SLC16A8: variants seen among roughly 807,000 people sequenced by gnomAD.
SLC16A8 encodes solute carrier family 16 member 8.
In SLC16A8, 20 loss-of-function variants were observed where a neutral mutation model predicts 22.4. That is an observed-to-expected ratio of 0.89 (90% CI 0.63 to 1.30). The LOEUF is 1.30. SLC16A8 is among the 50% of genes most tolerant of loss of function. The pLI, the probability that SLC16A8 is intolerant of heterozygous loss-of-function variation, is 0.00. For synonymous variants in SLC16A8, 393 were observed against 358.8 expected, an observed-to-expected ratio of 1.10 and a Z score of -1.08; for missense variants, 817 against 740.3, an observed-to-expected ratio of 1.10 and a Z score of -1.20.
rs1417012696 is a variant in SLC16A8, at chr22:38,081,274, A to G, written c.764T>C (p.Val255Ala). The change falls in exon 5 of 6, where the codon GTG (valine) becomes GCG (alanine). Residue 255 changes from valine (V) to alanine (A), a missense_variant. Physicochemically the swap from Val to Ala is moderately conservative, Grantham distance 64. Coordinates refer to ENST00000681075, the MANE Select transcript of SLC16A8 (RefSeq NM_013356.3). Reference protein sequence around the residue: ...LAVCTDRAFAVYAVTKFLMAL... With the variant: ...LAVCTDRAFAAYAVTKFLMAL... ...CATCAGGAACTTGGTGACGGCGTAC[A>G]CGGCGAAGGCGCGGTCGGTGCACAC... 4 of 1,581,278 alleles carry G rather than the reference A, an allele frequency of 2.5e-6. No individual in the cohort carries two copies. Among genetic ancestry groups the G allele is most frequent in the South Asian group, 2.3e-5 (2 of 87,006 alleles).
At chr22:38,083,777 C>T (rs565552238) in intron 1 of SLC16A8, among the ~76,000 whole-genome samples, 6 of 89,592 alleles carry the variant, frequency 6.7e-5, no homozygotes, top group South Asian at 3.2e-4. Flanking sequence ...CACCAGGAGC[C>T]GGGGGCTGGG....
At position 38,083,311 on chromosome 22, in the gene SLC16A8, C is replaced by T. The variant is rs115611444; in HGVS notation, c.-278G>A. 331 of 182,572 alleles carry T rather than the reference C, an allele frequency of 1.8e-3. No homozygotes were observed. Among genetic ancestry groups the T allele is most frequent in the African/African-American group, 7.4e-3 (315 of 42,520 alleles). 11.3% of individuals were successfully genotyped at this position (182,572 alleles called of 1,614,324 possible). On this transcript the variant is annotated 5_prime_UTR_variant, in exon 2 of 6. Coordinates refer to ENST00000681075, the MANE Select transcript of SLC16A8 (RefSeq NM_013356.3). ...GCAAAGGGCCGCTGTGCGTGATTTT[C>T]CTCTTTAGCCTTCCGCCATGTTCCT...
Position 38,081,136 on chromosome 22 carries a change from A to G in SLC16A8, c.902T>C (p.Val301Ala), listed in dbSNP as rs1380250920. The change falls in exon 5 of 6, where the codon GTG becomes GCG. Residue 301 changes from valine to alanine, a missense_variant. Physicochemically the swap from Val to Ala is moderately conservative, Grantham distance 64. Coordinates refer to ENST00000681075, the MANE Select transcript of SLC16A8 (RefSeq NM_013356.3). ...CAGGGCGCCGCACGCCGGGCGCGCC[A>G]CGATGTCCACGAAGCCCACGATGGA... is the stretch of plus-strand genomic sequence containing the variant. ...LLSIVGFVDIVARPACGALAG... is the reference protein window; with the variant it reads ...LLSIVGFVDIAARPACGALAG... 1.9e-6 allele frequency: 3 copies of G among 1,544,016 alleles called. No individual in the cohort carries two copies. The African/African-American group carries it at 4.1e-5, about 21-fold the overall frequency.
At chr22:38,082,053 C>G (rs1376786512) in intron 3 of SLC16A8, 21 bp from the exon 4 acceptor site, 1 of 1,561,684 alleles carries the variant, frequency 6.4e-7, no homozygotes, top group Non-Finnish European at 8.7e-7. Context: ...GGCAGGGTCA[C>G]CACCCGGGTC....
At chr22:38,078,733 G>T (rs374272776) in intron 5 of SLC16A8, 29 bp from the exon 6 acceptor site, 1 of 1,589,012 alleles carries the variant, frequency 6.3e-7, no homozygotes, top group Non-Finnish European at 8.6e-7. Flanking sequence ...AGGAGGGAGA[G>T]GTAAGGTCCT....
At chr22:38,083,826 G>A (rs1353576065) in intron 1 of SLC16A8, among the ~76,000 whole-genome samples, 162 bp downstream of exon 1, 1 of 140,956 alleles carries the variant, frequency 7.1e-6, no homozygotes, top group Non-Finnish European at 1.5e-5. Context: ...GTCCCTCCTG[G>A]CACTGGGCAG....
intron 5 of SLC16A8, among the ~76,000 whole-genome samples, chr22:38,080,089 C>G (rs1379214287): frequency 6.6e-6 from 1 of 152,238 alleles, no homozygotes; most frequent in African/African-American, 2.4e-5. Context: ...GACTCAAAGG[C>G]AGGCTCCCTT....
At chr22:38,079,031 G>A (rs1174084974) in intron 5 of SLC16A8, among the ~76,000 whole-genome samples, 2 of 152,166 alleles carry the variant, frequency 1.3e-5, no homozygotes, top group Non-Finnish European at 2.9e-5. Context: ...GGGTGGGAGC[G>A]GGGAGGGGGC....
intron 5 of SLC16A8, among the ~76,000 whole-genome samples, chr22:38,079,968 G>C (rs2085892632): frequency 6.6e-6 from 1 of 152,160 alleles, no homozygotes; most frequent in Non-Finnish European, 1.5e-5. Context: ...CACTCGATTA[G>C]CCCAGCCCTG....
chr22:38,080,115 CTT>C (rs2085894620), intron 5 of SLC16A8, among the ~76,000 whole-genome samples: 1 of 152,232 alleles, frequency 6.6e-6, no homozygotes, highest in Non-Finnish European at 1.5e-5. Flanking sequence ...TTCAAGATAA[CTT>C]GACAACCCAG....
Position 38,078,514 on chromosome 22 carries a change from A to C in SLC16A8, c.1389T>G (p.Ser463=). The change falls in exon 6 of 6, where the codon TCT becomes TCG. Residue 463 remains serine (S), a synonymous_variant. Coordinates refer to ENST00000681075, the MANE Select transcript of SLC16A8 (RefSeq NM_013356.3). The stretch of plus-strand genomic sequence containing the variant: ...CCTCTGCAACAACAGGCAGGGGCTC[A>C]GAGTCCCCTTCAGCCTCAGCGTCCT... ...DTEDAEAEGD[S]EPLPVVAEEP... is the part of the protein sequence containing the mutation. The C allele has an allele frequency of 6.2e-7, 1 of 1,614,206 alleles. No homozygotes were observed.
At position 38,081,159 on chromosome 22, in the gene SLC16A8, G is replaced by A. The variant is rs565898820; in HGVS notation, c.879C>T (p.Ser293=). ...CCACGATGTCCACGAAGCCCACGAT[G>A]GACAGCAGGAAGGCGGCGTCGGTGT... is the stretch of plus-strand genomic sequence containing the variant. ...VPDTDAAFLL[S]IVGFVDIVAR... The change falls in exon 5 of 6, where the codon TCC becomes TCT. Residue 293 remains serine (S), a synonymous_variant. Transcript: ENST00000681075. 26 of 1,551,546 alleles carry A rather than the reference G, an allele frequency of 1.7e-5. No homozygotes were observed. In the South Asian group the frequency reaches 2.8e-4, roughly 17 times the overall value.
rs144413183 is a variant in SLC16A8, at chr22:38,079,743, A to T, written c.1199-1039T>A. On this transcript the variant is annotated intron_variant, in intron 5 of 5. Transcript: ENST00000681075. ...CTCTTAATTGCAAGTATTTCCCCCT[A>T]AAGTGTGGTTTGTCTGTGTGCTCCA... 2.3e-3 allele frequency among the ~76,000 whole-genome samples: 346 copies of T among 152,270 alleles called. 5 individuals are homozygous for T. The East Asian group carries it at 0.036, about 16-fold the overall frequency.
intron 4 of SLC16A8, 63 bp from the exon 5 acceptor site, chr22:38,081,742 G>A (rs2085921349): frequency 1.4e-6 from 2 of 1,457,946 alleles, no homozygotes; most frequent in Admixed American, 2.6e-5. Context: ...CCCACAGGAG[G>A]GAGGGGCCAG....
intron 5 of SLC16A8, among the ~76,000 whole-genome samples, chr22:38,079,495 C>T (rs2085888508): frequency 6.6e-6 from 1 of 152,164 alleles, no homozygotes; most frequent in East Asian, 1.9e-4. Context: ...CATCTTGGCT[C>T]ACTGCAACCT....
intron 5 of SLC16A8, among the ~76,000 whole-genome samples, chr22:38,079,701 C>T (rs941748161): frequency 6.6e-6 from 1 of 152,238 alleles, no homozygotes; most frequent in African/African-American, 2.4e-5. Flanking sequence ...TGAGCCACTA[C>T]ACCCGACCAG....
intron 5 of SLC16A8, among the ~76,000 whole-genome samples, chr22:38,079,887 C>T (rs1316050447): frequency 2.6e-5 from 4 of 152,218 alleles, no homozygotes; most frequent in Non-Finnish European, 4.4e-5. Flanking sequence ...GTTTTGTGGC[C>T]TGCCCACACA....
In SLC16A8 at chr22:38,081,511, C is replaced by G; in HGVS notation, c.527G>C (p.Gly176Ala). The change falls in exon 5 of 6, where the codon GGC (glycine) becomes GCC (alanine). Residue 176 changes from glycine (G) to alanine (A), a missense_variant. Gly to Ala is a moderately conservative substitution (Grantham distance 60, BLOSUM62 0). Coordinates refer to ENST00000681075, the MANE Select transcript of SLC16A8 (RefSeq NM_013356.3). ...QLLERFGWRG[G>A]FLLLGGLLLH... is the part of the protein sequence containing the mutation. ...CAGGAGCCCGCCGAGCAGCAGGAAG[C>G]CGCCGCGCCAGCCGAAGCGCTCCAG... 1 of 1,417,460 alleles carries G rather than the reference C, an allele frequency of 7.1e-7. No homozygotes were observed. The highest frequency in any genetic ancestry group is 9.1e-7 in the Non-Finnish European group (1 of 1,099,026). The allele number at this position is 1,417,460 out of a possible 1,614,324, so 87.8% of individuals were successfully genotyped here.
chr22:38,081,233 C>T lies in SLC16A8; in HGVS notation c.805G>A (p.Val269Ile). 1 of 1,580,108 alleles carries T rather than the reference C, an allele frequency of 6.3e-7. No individual in the cohort carries two copies. The highest frequency in any genetic ancestry group is 8.6e-7 in the Non-Finnish European group (1 of 1,163,892). The change falls in exon 5 of 6, where the codon GTC (valine) becomes ATC (isoleucine). Residue 269 changes from valine (V) to isoleucine (I), a missense_variant. Val to Ile is a conservative substitution (Grantham distance 29). Coordinates refer to ENST00000681075, the MANE Select transcript of SLC16A8 (RefSeq NM_013356.3). ...TKFLMALGLF[V>I]PAILLVNYAK... ...TAGTTCACCAGCAGGATGGCGGGGA[C>T]GAAGAGCCCGAGCGCCATCAGGAAC...
Sources: gnomAD v4.1 joint callset for allele counts (sites outside exome capture counted in the v4.1 genomes callset) on GRCh38, gnomAD v4.1.1 for gene constraint, MANE v1.5 for transcripts, NCBI Gene and HGNC (gene_info 2026-07-23, HGNC 2026-07-21) for gene names.